Variants in SCFD2 observed in about 807,000 individuals in gnomAD.
SCFD2 encodes the protein sec1 family domain-containing protein 2.
Under a neutral mutation model 58.9 loss-of-function variants are expected in SCFD2, and 54 were observed. The ratio of observed to expected loss-of-function variants is 0.92; its 90% CI spans 0.74 to 1.15. SCFD2 has a LOEUF of 1.15. Among genes scored for constraint, SCFD2 ranks in the 50% most tolerant of loss-of-function variants. The pLI, the probability that SCFD2 is intolerant of heterozygous loss-of-function variation, is 0.00. For synonymous variants in SCFD2, 321 were observed against 335.9 expected (o/e 0.96, Z 0.49); for missense variants, 805 against 836.6 (o/e 0.96, Z 0.47).
At chr4:53,040,699 T>C (rs908780836) in intron 5 of SCFD2, among the ~76,000 whole-genome samples, 1 of 152,196 alleles carries the variant, frequency 6.6e-6, no homozygotes, top group Non-Finnish European at 1.5e-5. Flanking sequence ...ATTAAGTTCT[T>C]CCAATGCATG....
At chr4:52,945,237 G>T (rs1720392864) in intron 5 of SCFD2, among the ~76,000 whole-genome samples, 1 of 152,106 alleles carries the variant, frequency 6.6e-6, no homozygotes, top group Admixed American at 6.5e-5. Flanking sequence ...AGGGACTTGT[G>T]CTTTTATCTC....
intron 4 of SCFD2, among the ~76,000 whole-genome samples, chr4:53,256,649 C>T (rs1262291980): frequency 1.4e-4 from 21 of 152,134 alleles, no homozygotes; most frequent in Admixed American, 2.6e-4. Context: ...CCGAGGCTGG[C>T]GGATCACTCG....
intron 5 of SCFD2, among the ~76,000 whole-genome samples, chr4:53,072,507 CG>C (rs1451741643): frequency 1.3e-5 from 2 of 151,746 alleles, no homozygotes; most frequent in African/African-American, 4.8e-5. Context: ...TTTGTCACCC[CG>C]TGTACAGTGA....
chr4:53,342,066 C>T (rs980958898), intron 2 of SCFD2, among the ~76,000 whole-genome samples: 62 of 152,268 alleles, frequency 4.1e-4, no homozygotes, highest in African/African-American at 1.4e-3. Flanking sequence ...ACAAAATAAC[C>T]AGCTAACGTC....
intron 4 of SCFD2, among the ~76,000 whole-genome samples, chr4:53,214,974 G>T (rs1174142170): frequency 6.6e-6 from 1 of 151,932 alleles, no homozygotes; most frequent in South Asian, 2.1e-4. Context: ...GATATGCGGC[G>T]TTATTTCTGA....
chr4:53,294,043 T>C (rs556052343), intron 3 of SCFD2, among the ~76,000 whole-genome samples: 12 of 152,260 alleles, frequency 7.9e-5, no homozygotes, highest in South Asian at 2.1e-4. Context: ...CAGTGTATAA[T>C]TGATGGGCAT....
At chr4:53,224,485 G>C (rs1254295033) in intron 4 of SCFD2, among the ~76,000 whole-genome samples, 1 of 152,072 alleles carries the variant, frequency 6.6e-6, no homozygotes, top group African/African-American at 2.4e-5. Context: ...TGAATACCCT[G>C]AGATTGCCAT....
chr4:53,327,199 T>C (rs1358740076), intron 2 of SCFD2, among the ~76,000 whole-genome samples: 2 of 150,680 alleles, frequency 1.3e-5, no homozygotes, highest in African/African-American at 2.4e-5. Flanking sequence ...GAATACAAGG[T>C]GTTGGGATCC....
intron 4 of SCFD2, among the ~76,000 whole-genome samples, chr4:53,184,187 T>C (rs1727672267): frequency 6.6e-6 from 1 of 152,184 alleles, no homozygotes; most frequent in Non-Finnish European, 1.5e-5. Flanking sequence ...TTTAGTAACA[T>C]AACCACCCGT....
At chr4:53,227,896 C>T (rs774634474) in intron 4 of SCFD2, among the ~76,000 whole-genome samples, 1 of 152,130 alleles carries the variant, frequency 6.6e-6, no homozygotes, top group Non-Finnish European at 1.5e-5. Flanking sequence ...ACTAGAAGTG[C>T]AGTTTGACAA....
intron 5 of SCFD2, among the ~76,000 whole-genome samples, chr4:52,952,264 C>T (rs1000713619): frequency 1.3e-5 from 2 of 149,074 alleles, no homozygotes; most frequent in African/African-American, 2.5e-5. Context: ...CTCACACCCC[C>T]ATCCCCTCTC....
At chr4:52,902,472 T>C (rs146253929) in intron 7 of SCFD2, among the ~76,000 whole-genome samples, 1 of 152,300 alleles carries the variant, frequency 6.6e-6, no homozygotes, top group African/African-American at 2.4e-5. Context: ...GGGGGCAGTG[T>C]ATCTATTCTC....
intron 5 of SCFD2, among the ~76,000 whole-genome samples, chr4:52,974,072 A>G (rs1160512530): frequency 5.9e-5 from 9 of 152,076 alleles, no homozygotes; most frequent in East Asian, 1.9e-4. Flanking sequence ...CATACTGAAT[A>G]GGCAAAAACT....
intron 8 of SCFD2, among the ~76,000 whole-genome samples, chr4:52,885,032 A>T (rs1210383876): frequency 3.9e-5 from 6 of 152,174 alleles, no homozygotes; most frequent in Admixed American, 6.5e-5. Context: ...GCAGGATTGG[A>T]ACTTGGGCCC....
chr4:53,154,598 CCATGGTGTGTGCAGG>C (rs1726609171), intron 4 of SCFD2, among the ~76,000 whole-genome samples: 1 of 152,200 alleles, frequency 6.6e-6, no homozygotes, highest in African/African-American at 2.4e-5. Context: ...TTCAGCCAAG[CCATGGTGTGTGCAGG>C]CTTATAGGAT....
intron 4 of SCFD2, among the ~76,000 whole-genome samples, chr4:53,253,904 AAAT>A (rs1416192762): frequency 6.6e-6 from 1 of 150,406 alleles, no homozygotes; most frequent in African/African-American, 2.5e-5. Context: ...AAAAAAAAAA[AAAT>A]AACAAAGTCA....
At position 52,873,863 on chromosome 4, in the gene SCFD2, C is replaced by T. The variant is rs749043297; in HGVS notation, c.*106G>A. The T allele has an allele frequency of 8.6e-4, 649 of 753,146 alleles. 7 individuals carry two copies. The highest frequency in any genetic ancestry group is 5.2e-4 in the Middle Eastern group (2 of 3,872). The allele number at this position is 753,146 out of a possible 1,614,324, so 46.7% of individuals were successfully genotyped here. ...CCTTCAGGCAGAATTCCATCATTCT[C>T]GCAATTAGTGACAGGGACGCTGGTT... On this transcript the variant is annotated 3_prime_UTR_variant, in exon 9 of 9. Transcript: ENST00000401642.
chr4:53,298,570 C>T (rs1732139040), intron 3 of SCFD2, among the ~76,000 whole-genome samples: 1 of 152,204 alleles, frequency 6.6e-6, no homozygotes, highest in Admixed American at 6.5e-5. Flanking sequence ...ACTTACATGT[C>T]CCTGTCTGAC....
intron 5 of SCFD2, among the ~76,000 whole-genome samples, chr4:53,121,886 C>T (rs902491164): frequency 1.2e-4 from 18 of 152,090 alleles, no homozygotes; most frequent in Admixed American, 6.5e-5. Context: ...AGACATTAAT[C>T]AAGAATGCTA....
Sources: gnomAD v4.1 joint callset for allele counts (sites outside exome capture counted in the v4.1 genomes callset) on GRCh38, gnomAD v4.1.1 for gene constraint, MANE v1.5 for transcripts, NCBI Gene and HGNC (gene_info 2026-07-23, HGNC 2026-07-21) for gene names.